The following RNF180 variants were observed in gnomAD, a reference collection of about 807,000 sequenced individuals.
RNF180 encodes the protein E3 ubiquitin-protein ligase RNF180.
In RNF180, 38 loss-of-function variants were observed where a neutral mutation model predicts 59.2. That is an observed-to-expected ratio of 0.64 (90% CI 0.50 to 0.84). The LOEUF is 0.84. Among genes scored for constraint, RNF180 ranks in the 40% least tolerant of loss-of-function variants. The pLI is 0.00. For missense variants in RNF180, 705 were observed against 700.9 expected (o/e 1.01, Z -0.07); for synonymous variants, 262 against 240.3 (o/e 1.09, Z -0.84).
rs1176987619 is a variant in RNF180 at position 64,209,804 on chromosome 5, T to C, written c.136-2261T>C. ...TTCATTAGAGTTATGCTAATCTTCA[T>C]AATTGTCAGCTCCTAATGAAAAGAG... On this transcript the variant is annotated intron_variant, in intron 2 of 7. Coordinates refer to ENST00000389100, the MANE Select transcript of RNF180 (RefSeq NM_001113561.2). 2.0e-5 allele frequency among the ~76,000 whole-genome samples: 3 copies of C among 152,156 alleles called. No individual in the cohort carries two copies. The East Asian group carries it at 5.8e-4, about 29-fold the overall frequency.
At chr5:64,334,828 C>G (rs558741590) in intron 7 of RNF180, among the ~76,000 whole-genome samples, 1 of 152,218 alleles carries the variant, frequency 6.6e-6, no homozygotes, top group African/African-American at 2.4e-5. Context: ...ATTGAGTGGT[C>G]CAATTTTTAT....
chr5:64,240,839 T>A (rs1561211491), intron 5 of RNF180, among the ~76,000 whole-genome samples: 1 of 152,238 alleles, frequency 6.6e-6, no homozygotes, highest in Non-Finnish European at 1.5e-5. Flanking sequence ...CTACCCTTTC[T>A]GAAGTAGTGA....
intron 7 of RNF180, among the ~76,000 whole-genome samples, chr5:64,339,446 T>C (rs951235590): frequency 5.3e-5 from 8 of 152,194 alleles, no homozygotes; most frequent in Admixed American, 2.6e-4. Flanking sequence ...ACTGGTTGGA[T>C]CATCTTGATT....
chr5:64,289,008 T>G (rs1048122269), intron 5 of RNF180, among the ~76,000 whole-genome samples: 1 of 152,236 alleles, frequency 6.6e-6, no homozygotes, highest in Non-Finnish European at 1.5e-5. Flanking sequence ...GCCCATTCGG[T>G]ATGATACTGG....
chr5:64,177,456 C>T (rs557384380), intron 1 of RNF180, among the ~76,000 whole-genome samples: 1 of 145,014 alleles, frequency 6.9e-6, no homozygotes, highest in Admixed American at 7.0e-5. Flanking sequence ...TCTGTGTTCT[C>T]AATTATTTTA....
At chr5:64,263,303 A>G (rs957983330) in intron 5 of RNF180, among the ~76,000 whole-genome samples, 9 of 152,164 alleles carry the variant, frequency 5.9e-5, no homozygotes, top group African/African-American at 1.7e-4. Context: ...AGAAGCCCCA[A>G]TTTGTAACAC....
rs1398816600 is a variant in RNF180 at position 64,216,508 on chromosome 5, G to T, written c.1192-853G>T. Reference sequence around the variant, plus strand: ...TAAAGTAAAAGTTACTATTATTAATGATAGTTTTTTAAAAATTTAAAATAA... The same window carrying T: ...TAAAGTAAAAGTTACTATTATTAATTATAGTTTTTTAAAAATTTAAAATAA... On this transcript the variant is annotated intron_variant, in intron 4 of 7. Coordinates refer to ENST00000389100, the MANE Select transcript of RNF180 (RefSeq NM_001113561.2). Among the ~76,000 whole-genome samples, 3 of 152,140 alleles carry T rather than the reference G, an allele frequency of 2.0e-5. No individual in the cohort carries two copies. In the East Asian group the frequency reaches 5.8e-4, roughly 29 times the overall value.
At chr5:64,204,774 A>AGTGAC (rs1235983610) in intron 2 of RNF180, among the ~76,000 whole-genome samples, 1 of 152,160 alleles carries the variant, frequency 6.6e-6, no homozygotes, top group East Asian at 1.9e-4. Context: ...TGAATACCAA[A>AGTGAC]GTTAGGCAAG....
At chr5:64,349,805 T>C (rs1189936764) in intron 7 of RNF180, among the ~76,000 whole-genome samples, 1 of 152,176 alleles carries the variant, frequency 6.6e-6, no homozygotes, top group African/African-American at 2.4e-5. Flanking sequence ...CCATGGTGTA[T>C]ATGTGCCACA....
intron 1 of RNF180, among the ~76,000 whole-genome samples, chr5:64,199,741 T>G (rs550898430): frequency 6.6e-6 from 1 of 152,342 alleles, no homozygotes; most frequent in Admixed American, 6.5e-5. Flanking sequence ...TAATGTTGCC[T>G]TTCTTTGTAA....
chr5:64,312,478 C>A (rs1743815080), intron 5 of RNF180, among the ~76,000 whole-genome samples: 1 of 152,008 alleles, frequency 6.6e-6, no homozygotes, highest in Non-Finnish European at 1.5e-5. Context: ...TAGGAAGTAG[C>A]AATGAAAATA....
At position 64,213,643 on chromosome 5, in the gene RNF180, C is replaced by A; in HGVS notation, c.317C>A (p.Ser106Tyr). Residue 106 changes from serine (S) to tyrosine (Y), a missense_variant, in exon 4 of 8, where the codon TCC (serine) becomes TAC (tyrosine). Ser to Tyr is a moderately radical substitution (Grantham distance 144). Coordinates refer to ENST00000389100, the MANE Select transcript of RNF180 (RefSeq NM_001113561.2). ...GFNFVSTPKC[S>Y]CGQLAAVHLS... ...AATTTTGTCAGCACTCCAAAATGTT[C>A]CTGTGGCCAGCTTGCAGCTGTACAT... The A allele has an allele frequency of 6.2e-7, 1 of 1,614,146 alleles. No individual in the cohort carries two copies. The highest frequency in any genetic ancestry group is 8.5e-7 in the Non-Finnish European group (1 of 1,179,994).
chr5:64,223,521 A>G (rs1352695300), intron 5 of RNF180, among the ~76,000 whole-genome samples: 1 of 149,676 alleles, frequency 6.7e-6, no homozygotes, highest in African/African-American at 2.5e-5. Flanking sequence ...AATTTCTATT[A>G]TTATCCCTAT....
Position 64,169,969 on chromosome 5 carries a change from C to G in RNF180, c.-1+4016C>G, listed in dbSNP as rs78728883. 6.6e-4 allele frequency among the ~76,000 whole-genome samples: 101 copies of G among 152,346 alleles called. 1 individual carries two copies. In the East Asian group the frequency reaches 0.016, roughly 25 times the overall value. ...GCCTCTTGGCAGTGTTCTCTTTAAT[C>G]TATGACATAGGTAAGGAGTGAGCCA... On this transcript the variant is annotated intron_variant, in intron 1 of 7. Coordinates refer to ENST00000389100, the MANE Select transcript of RNF180 (RefSeq NM_001113561.2).
intron 5 of RNF180, among the ~76,000 whole-genome samples, chr5:64,273,952 AGAGTT>A (rs766972751): frequency 9.9e-5 from 15 of 152,060 alleles, no homozygotes; most frequent in Non-Finnish European, 1.9e-4. Context: ...ATTTGACACT[AGAGTT>A]GAGAACTGCC....
chr5:64,228,411 G>A (rs1312268749), intron 5 of RNF180, among the ~76,000 whole-genome samples: 1 of 152,154 alleles, frequency 6.6e-6, no homozygotes, highest in East Asian at 1.9e-4. Context: ...CTACTGGAGA[G>A]GATGAGGTGG....
intron 1 of RNF180, among the ~76,000 whole-genome samples, chr5:64,191,540 T>G (rs1242101775): frequency 6.6e-6 from 1 of 152,206 alleles, no homozygotes; most frequent in African/African-American, 2.4e-5. Flanking sequence ...TTCTTTACTA[T>G]TCTGATAGAA....
chr5:64,215,371 T>G (rs1438982647), intron 4 of RNF180, among the ~76,000 whole-genome samples: 2 of 152,216 alleles, frequency 1.3e-5, no homozygotes, highest in Non-Finnish European at 2.9e-5. Context: ...TATTAGTTTT[T>G]TCTTTTAAAA....
chr5:64,279,592 A>T (rs1741899940), intron 5 of RNF180, among the ~76,000 whole-genome samples: 1 of 152,196 alleles, frequency 6.6e-6, no homozygotes. Context: ...CTAGGAAGAT[A>T]CATACTTAAA....
Sources: gnomAD v4.1 joint callset for allele counts (sites outside exome capture counted in the v4.1 genomes callset) on GRCh38, gnomAD v4.1.1 for gene constraint, MANE v1.5 for transcripts, NCBI Gene and HGNC (gene_info 2026-07-23, HGNC 2026-07-21) for gene names.